The following NCKAP5 variants were observed in gnomAD, a reference collection of about 807,000 sequenced individuals.
The protein encoded by NCKAP5 is NCK associated protein 5, also known as nck-associated protein 5.
NCKAP5 carries 92 observed loss-of-function variants against 167.0 expected under a neutral mutation model. The observed-to-expected ratio is 0.55, with a 90% CI of 0.47 to 0.66. NCKAP5 has a LOEUF of 0.66. Among genes scored for constraint, NCKAP5 ranks in the 30% least tolerant of loss-of-function variants. NCKAP5 has a pLI of 0.00. For synonymous variants in NCKAP5, 891 were observed against 877.4 expected (o/e 1.02, Z -0.27); for missense variants, 2,378 against 2,315.0 (o/e 1.03, Z -0.56).
chr2:133,489,970 G>C (rs1277843757), intron 3 of NCKAP5, among the ~76,000 whole-genome samples: 2 of 152,170 alleles, frequency 1.3e-5, no homozygotes, highest in African/African-American at 4.8e-5. Context: ...GAGATTTCCA[G>C]GGCACCAGGC....
At chr2:133,518,687 C>T (rs1430845246) in intron 2 of NCKAP5, among the ~76,000 whole-genome samples, 1 of 151,704 alleles carries the variant, frequency 6.6e-6, no homozygotes, top group Non-Finnish European at 1.5e-5. Flanking sequence ...AGCCAAGTGA[C>T]CTTGGACAAG....
intron 8 of NCKAP5, among the ~76,000 whole-genome samples, chr2:132,941,389 T>C (rs547344012): frequency 6.6e-6 from 1 of 152,302 alleles, no homozygotes; most frequent in South Asian, 2.1e-4. Context: ...CCCAAGGCCA[T>C]GGTTATGCAA....
chr2:132,839,084 G>A (rs1688106406), intron 11 of NCKAP5, among the ~76,000 whole-genome samples: 1 of 152,094 alleles, frequency 6.6e-6, no homozygotes, highest in African/African-American at 2.4e-5. Context: ...CCATTTGTAA[G>A]AGCTCTTTGT....
chr2:132,941,166 C>T (rs962747754), intron 8 of NCKAP5, among the ~76,000 whole-genome samples: 1 of 152,092 alleles, frequency 6.6e-6, no homozygotes, highest in African/African-American at 2.4e-5. Context: ...CTTTAGCCTC[C>T]AAATCAAAAG....
Position 133,171,160 on chromosome 2 carries a change from T to A in NCKAP5, c.208-41049A>T, listed in dbSNP as rs1339737710. On this transcript the variant is annotated intron_variant, in intron 5 of 19. Coordinates refer to ENST00000409261, the MANE Select transcript of NCKAP5 (RefSeq NM_207363.3). ...GAGGCAGGGTGCTTTTGAAGGCATC[T>A]CAAGTTATAATAAAAGGCAACAACC... 2.6e-5 allele frequency among the ~76,000 whole-genome samples: 4 copies of A among 152,128 alleles called. No homozygotes were observed. In the East Asian group the frequency reaches 7.7e-4, roughly 29 times the overall value.
the NCKAP5 span, among the ~76,000 whole-genome samples, chr2:133,666,071 A>T: frequency 5.9e-5 from 9 of 152,092 alleles, 1 homozygote; most frequent in East Asian, 3.9e-4. Flanking sequence ...TTGTATGCAG[A>T]TACATATATG....
chr2:133,633,945 GT>G, the NCKAP5 span, among the ~76,000 whole-genome samples: 1 of 152,350 alleles, frequency 6.6e-6, no homozygotes, highest in South Asian at 2.1e-4. Flanking sequence ...GCACTCAGAA[GT>G]GGGTTGCCTC....
chr2:133,016,954 AT>A (rs1193581470), intron 6 of NCKAP5, among the ~76,000 whole-genome samples: 1 of 152,250 alleles, frequency 6.6e-6, no homozygotes, highest in African/African-American at 2.4e-5. Context: ...ACATTTCAAA[AT>A]TTGCATTGAA....
At chr2:133,382,905 C>T (rs1433166078) in intron 3 of NCKAP5, among the ~76,000 whole-genome samples, 2 of 151,942 alleles carry the variant, frequency 1.3e-5, no homozygotes, top group Non-Finnish European at 2.9e-5. Flanking sequence ...TTACCAAAGG[C>T]AACACACAGT....
At chr2:132,922,572 A>C (rs1276047099) in intron 8 of NCKAP5, among the ~76,000 whole-genome samples, 1 of 152,190 alleles carries the variant, frequency 6.6e-6, no homozygotes, top group Non-Finnish European at 1.5e-5. Context: ...TCCCATGGGC[A>C]ACCTGTGCTC....
intron 6 of NCKAP5, among the ~76,000 whole-genome samples, chr2:133,033,691 T>A (rs77318140): frequency 0.057 from 8,645 of 152,088 alleles, 759 homozygotes; most frequent in African/African-American, 0.19. Flanking sequence ...AATCAAGCAC[T>A]AATTCTGGAG....
At chr2:133,205,657 C>A (rs2085914844) in intron 5 of NCKAP5, among the ~76,000 whole-genome samples, 1 of 151,970 alleles carries the variant, frequency 6.6e-6, no homozygotes. Flanking sequence ...GCTGTGAAAA[C>A]CTTCTTGGGA....
At chr2:133,212,980 A>T (rs942765843) in intron 5 of NCKAP5, among the ~76,000 whole-genome samples, 1 of 152,196 alleles carries the variant, frequency 6.6e-6, no homozygotes, top group African/African-American at 2.4e-5. Flanking sequence ...CTTTTACTGA[A>T]AGCTTGCACA....
At chr2:132,980,481 G>C (rs2077102627) in intron 7 of NCKAP5, among the ~76,000 whole-genome samples, 1 of 152,114 alleles carries the variant, frequency 6.6e-6, no homozygotes, top group South Asian at 2.1e-4. Context: ...AGAGTCACTG[G>C]TGTAGAAAGT....
At chr2:132,978,101 T>C (rs1428323432) in intron 7 of NCKAP5, among the ~76,000 whole-genome samples, 1 of 152,140 alleles carries the variant, frequency 6.6e-6, no homozygotes, top group African/African-American at 2.4e-5. Context: ...GAAATAAGTA[T>C]GATCCTCAAA....
At chr2:133,433,935 C>T (rs1331432826) in intron 3 of NCKAP5, 1 of 152,082 alleles carries the variant, frequency 6.6e-6, no homozygotes, top group African/African-American at 2.4e-5. Flanking sequence ...GGAGGAGGCA[C>T]CTTTAGGATG....
At chr2:133,325,978 A>G (rs1039856493) in intron 3 of NCKAP5, among the ~76,000 whole-genome samples, 2 of 152,202 alleles carry the variant, frequency 1.3e-5, no homozygotes, top group Non-Finnish European at 2.9e-5. Flanking sequence ...GTAAAGCTGA[A>G]ACTACCCAAA....
chr2:132,723,226 A>G (rs1285789534), intron 19 of NCKAP5, among the ~76,000 whole-genome samples: 1 of 146,130 alleles, frequency 6.8e-6, no homozygotes, highest in Non-Finnish European at 1.5e-5. Flanking sequence ...GCTCACTGCA[A>G]CCTCCACCTC....
chr2:132,775,704 A>G (rs1682489283), intron 15 of NCKAP5, among the ~76,000 whole-genome samples: 1 of 152,220 alleles, frequency 6.6e-6, no homozygotes, highest in South Asian at 2.1e-4. Context: ...TCTGTTTGTA[A>G]CAAGGTGACC....
Sources: allele counts gnomAD v4.1 joint callset (sites outside exome capture counted in the v4.1 genomes callset), GRCh38; gene constraint gnomAD v4.1.1; transcripts MANE v1.5; gene names NCBI Gene and HGNC (gene_info 2026-07-23, HGNC 2026-07-21).